Variants in PDS5B observed in about 807,000 individuals in gnomAD.
PDS5B encodes the protein PDS5 cohesin associated factor B, also known as sister chromatid cohesion protein PDS5 homolog B.
In PDS5B, 51 loss-of-function variants were observed where a neutral mutation model predicts 184.1. The ratio of observed to expected loss-of-function variants is 0.28; its 90% CI spans 0.22 to 0.35. The LOEUF is 0.35. PDS5B is among the 10% of genes least tolerant of loss of function. The pLI, the probability that PDS5B is intolerant of heterozygous loss-of-function variation, is 1.00. For missense variants in PDS5B, 1,180 were observed against 1,723.3 expected, an observed-to-expected ratio of 0.68 and a Z score of 5.58; for synonymous variants, 566 against 569.2, an observed-to-expected ratio of 0.99 and a Z score of 0.08.
intron 30 of PDS5B, among the ~76,000 whole-genome samples, chr13:32,763,020 T>G (rs1254892691): frequency 6.6e-6 from 1 of 152,220 alleles, no homozygotes; most frequent in African/African-American, 2.4e-5. Context: ...TTCTTTAAAC[T>G]TTCTTTCAAT....
chr13:32,729,101 C>G (rs938618191), intron 19 of PDS5B, among the ~76,000 whole-genome samples: 1 of 152,172 alleles, frequency 6.6e-6, no homozygotes, highest in African/African-American at 2.4e-5. Context: ...CCCCTTGCCC[C>G]CCACCCCACA....
intron 1 of PDS5B, among the ~76,000 whole-genome samples, chr13:32,622,441 C>A (rs1326667648): frequency 6.6e-6 from 1 of 152,034 alleles, no homozygotes; most frequent in African/African-American, 2.4e-5. Context: ...TTTGTTGAGA[C>A]ATGGGTTAAG....
intron 1 of PDS5B, among the ~76,000 whole-genome samples, chr13:32,624,676 T>C (rs1305916262): frequency 6.6e-6 from 1 of 152,180 alleles, no homozygotes; most frequent in Admixed American, 6.5e-5. Flanking sequence ...GAGCTTGGTA[T>C]GTGGAAAATT....
chr13:32,659,215 GA>G lies in PDS5B; in HGVS notation c.561del (p.Gly188ValfsTer13). On this transcript the variant is annotated frameshift_variant, in exon 6 of 35. Coordinates refer to ENST00000315596, the MANE Select transcript of PDS5B (RefSeq NM_015032.4). LOFTEE classifies it high-confidence loss of function. ...AGACCTTATGAGCTCTATTATTTGT[GA>G]AGGTGATACAGTGTCTCAGGAGCTT... is the stretch of plus-strand genomic sequence containing the variant. The part of the protein sequence containing the change: ...MVDLMSSIIC[E>X]GDTVSQELLD... 6.2e-7 allele frequency: 1 copy of G among 1,602,316 alleles called. No homozygotes were observed. Among genetic ancestry groups the G allele is most frequent in the South Asian group, 1.1e-5 (1 of 88,924 alleles).
chr13:32,631,587 C>G (rs539253550), intron 1 of PDS5B, among the ~76,000 whole-genome samples: 2 of 152,252 alleles, frequency 1.3e-5, no homozygotes, highest in South Asian at 4.1e-4. Flanking sequence ...AATGAATGAT[C>G]TGAGTCTGTA....
chr13:32,674,176 G>T (rs1047771724), intron 8 of PDS5B, among the ~76,000 whole-genome samples: 3 of 152,088 alleles, frequency 2.0e-5, no homozygotes, highest in African/African-American at 2.4e-5. Flanking sequence ...GTAAAATTGA[G>T]CAGAATTGGA....
chr13:32,685,656 T>C (rs1053561677), intron 11 of PDS5B, among the ~76,000 whole-genome samples: 1 of 152,166 alleles, frequency 6.6e-6, no homozygotes, highest in African/African-American at 2.4e-5. Context: ...AAGTCTTACT[T>C]ATTTTTTGAG....
Position 32,653,558 on chromosome 13 carries a change from C to T in PDS5B, c.312+1551C>T, listed in dbSNP as rs544973608. On this transcript the variant is annotated intron_variant, in intron 3 of 34. Transcript: ENST00000315596. ...ACAATTCAAGTAGAGGATGTGCAAC[C>T]TGTTTTGGGCATGCTTGTTTTAAAT... is the stretch of plus-strand genomic sequence containing the variant. Among the ~76,000 whole-genome samples the T allele has an allele frequency of 2.2e-3, 333 of 151,976 alleles. 3 individuals carry two copies. The highest frequency in any genetic ancestry group is 7.9e-3 in the African/African-American group (329 of 41,458).
At chr13:32,592,503 C>T (rs180959933) in intron 1 of PDS5B, among the ~76,000 whole-genome samples, 8 of 152,190 alleles carry the variant, frequency 5.3e-5, no homozygotes, top group Admixed American at 1.3e-4. Context: ...GTGATCTGCC[C>T]GCCTTGGCCT....
At chr13:32,760,244 T>G (rs924588264) in intron 29 of PDS5B, among the ~76,000 whole-genome samples, 1 of 152,184 alleles carries the variant, frequency 6.6e-6, no homozygotes, top group Admixed American at 6.5e-5. Flanking sequence ...CGTGAGCCAC[T>G]GCACCCGGCC....
At chr13:32,663,431 A>G (rs140258695) in intron 6 of PDS5B, among the ~76,000 whole-genome samples, 6 of 152,320 alleles carry the variant, frequency 3.9e-5, no homozygotes, top group African/African-American at 1.2e-4. Context: ...TTTTAGGAAT[A>G]CAAGGATGGA....
intron 33 of PDS5B, among the ~76,000 whole-genome samples, chr13:32,772,829 A>T (rs1954835625): frequency 6.6e-6 from 1 of 152,180 alleles, no homozygotes; most frequent in African/African-American, 2.4e-5. Flanking sequence ...TCTCCATAAG[A>T]ATCTATAAGG....
chr13:32,629,561 C>T (rs997868840), intron 1 of PDS5B, among the ~76,000 whole-genome samples: 5 of 152,166 alleles, frequency 3.3e-5, no homozygotes, highest in African/African-American at 4.8e-5. Context: ...TAGGTTTCAG[C>T]GAGGATGCAG....
In PDS5B at chr13:32,643,955, T is replaced by G. The variant is rs553524681; in HGVS notation, c.-19-4799T>G. ...AGTAGTTTATTTTTTGTAGATTCCT[T>G]TGGCATCTTCTGTGTAGATAATCAT... On this transcript the variant is annotated intron_variant, in intron 1 of 34. Coordinates refer to ENST00000315596, the MANE Select transcript of PDS5B (RefSeq NM_015032.4). Among the ~76,000 whole-genome samples, 128 of 152,324 alleles carry G rather than the reference T, an allele frequency of 8.4e-4. 1 individual carries two copies. The highest frequency in any genetic ancestry group is 2.9e-3 in the African/African-American group (121 of 41,586).
At chr13:32,704,544 A>G (rs1322028642) in intron 17 of PDS5B, among the ~76,000 whole-genome samples, 1 of 152,214 alleles carries the variant, frequency 6.6e-6, no homozygotes, top group Non-Finnish European at 1.5e-5. Context: ...TCAAAGGCAC[A>G]TGGTAGATAG....
intron 19 of PDS5B, among the ~76,000 whole-genome samples, chr13:32,717,550 C>T (rs1213470197): frequency 7.3e-6 from 1 of 136,828 alleles, no homozygotes; most frequent in African/African-American, 2.7e-5. Context: ...GACACAAACA[C>T]TGCGGAAGGC....
chr13:32,716,303 C>G (rs1323147960), intron 19 of PDS5B, among the ~76,000 whole-genome samples: 1 of 152,042 alleles, frequency 6.6e-6, no homozygotes, highest in African/African-American at 2.4e-5. Flanking sequence ...GGGAGCGCCT[C>G]TGCCCTGCCG....
chr13:32,715,965 A>G (rs548165907), intron 19 of PDS5B, among the ~76,000 whole-genome samples: 47 of 152,356 alleles, frequency 3.1e-4, no homozygotes, highest in African/African-American at 3.1e-4. Context: ...TCAGTGCTCA[A>G]TGGTGCCCAG....
chr13:32,719,089 C>G (rs1952578691), intron 19 of PDS5B, among the ~76,000 whole-genome samples: 1 of 152,048 alleles, frequency 6.6e-6, no homozygotes, highest in Non-Finnish European at 1.5e-5. Context: ...ATACTAGTAA[C>G]CAGTATATTT....
Sources: allele counts gnomAD v4.1 joint callset (sites outside exome capture counted in the v4.1 genomes callset), GRCh38; gene constraint gnomAD v4.1.1; transcripts MANE v1.5; gene names NCBI Gene and HGNC (gene_info 2026-07-23, HGNC 2026-07-21).